Variants in EFHC2 observed in about 807,000 individuals in gnomAD.
The protein encoded by EFHC2 is EF-hand domain containing 2, also known as EF-hand domain-containing family member C2.
A neutral mutation model predicts 52.7 loss-of-function variants in EFHC2; 18 were observed. The observed-to-expected ratio is 0.34, with a 90% CI of 0.24 to 0.51. EFHC2 has a LOEUF of 0.51. EFHC2 is among the 20% of genes least tolerant of loss of function. EFHC2 has a pLI of 0.97. For missense variants in EFHC2, 513 were observed against 562.5 expected (o/e 0.91, Z 0.89); for synonymous variants, 203 against 204.1 (o/e 0.99, Z 0.04).
At chrX:44,292,256 G>C (rs186327311) in intron 2 of EFHC2, among the ~76,000 whole-genome samples, 1 of 109,908 alleles carries the variant, frequency 9.1e-6, no homozygotes, top group Non-Finnish European at 1.9e-5. Flanking sequence ...ATGTAGGTTC[G>C]GTACCCCATA....
At chrX:44,212,262 C>T (rs1336919892) in intron 11 of EFHC2, among the ~76,000 whole-genome samples, 1 of 111,547 alleles carries the variant, frequency 9.0e-6, no homozygotes, top group Non-Finnish European at 1.9e-5. Flanking sequence ...AAACTGTAGA[C>T]GGCCCAGTCA....
intron 14 of EFHC2, among the ~76,000 whole-genome samples, chrX:44,160,845 C>T (rs751082666): frequency 6.3e-5 from 7 of 110,758 alleles, no homozygotes; most frequent in Admixed American, 9.6e-5. Flanking sequence ...TCACTTGAAC[C>T]TGGGAGATGG....
intron 14 of EFHC2, among the ~76,000 whole-genome samples, chrX:44,156,708 C>T (rs904457445): frequency 9.8e-5 from 11 of 112,322 alleles, no homozygotes; most frequent in East Asian, 8.4e-4. Flanking sequence ...AAAGATAAGA[C>T]GCCAGTCACA....
intron 2 of EFHC2, among the ~76,000 whole-genome samples, chrX:44,282,159 C>T (rs1413183850): frequency 9.1e-6 from 1 of 110,013 alleles, no homozygotes; most frequent in Non-Finnish European, 1.9e-5. Flanking sequence ...AATAAGGGGA[C>T]CTGAAAAGTT....
chrX:44,332,522 A>G (rs191115583), intron 1 of EFHC2, among the ~76,000 whole-genome samples: 119 of 111,295 alleles, frequency 1.1e-3, no homozygotes, highest in African/African-American at 3.8e-3. Flanking sequence ...CACATCCCTC[A>G]ATACCCTTTG....
intron 11 of EFHC2, among the ~76,000 whole-genome samples, chrX:44,219,307 A>G (rs1392857218): frequency 9.0e-6 from 1 of 111,030 alleles, no homozygotes; most frequent in Non-Finnish European, 1.9e-5. Flanking sequence ...GGGTTGCACA[A>G]GCGTACATTT....
At chrX:44,204,745 A>C (rs1283496126) in intron 11 of EFHC2, among the ~76,000 whole-genome samples, 1 of 111,987 alleles carries the variant, frequency 8.9e-6, no homozygotes, top group East Asian at 2.8e-4. Context: ...AAAGTGACCC[A>C]ACCTATGACT....
At chrX:44,291,252 G>A (rs1320838136) in intron 2 of EFHC2, among the ~76,000 whole-genome samples, 1 of 110,999 alleles carries the variant, frequency 9.0e-6, no homozygotes, top group Non-Finnish European at 1.9e-5. Flanking sequence ...ATGTTCCTAT[G>A]GATACTGTGT....
chrX:44,341,966 A>G (rs1388436980), intron 1 of EFHC2, among the ~76,000 whole-genome samples: 1 of 112,620 alleles, frequency 8.9e-6, no homozygotes, highest in Non-Finnish European at 1.9e-5. Context: ...AGGCACTGGT[A>G]ATCAGAGTGT....
intron 8 of EFHC2, among the ~76,000 whole-genome samples, chrX:44,237,448 A>T (rs2037328474): frequency 8.9e-6 from 1 of 111,834 alleles, no homozygotes; most frequent in Non-Finnish European, 1.9e-5. Context: ...TGGTTGTTTT[A>T]AAAATGTGTT....
chrX:44,158,818 A>T (rs1437675586), intron 14 of EFHC2, among the ~76,000 whole-genome samples: 1 of 111,841 alleles, frequency 8.9e-6, no homozygotes, highest in East Asian at 2.8e-4. Flanking sequence ...TCACACTGCT[A>T]GGCTCTCAGT....
rs754713702 is a variant in EFHC2, at chrX:44,155,843, G to A, written c.2149-6947C>T. On this transcript the variant is annotated intron_variant, in intron 14 of 14. Coordinates refer to ENST00000420999, the MANE Select transcript of EFHC2 (RefSeq NM_025184.4). ...AAGCAAATCAAATTGAAATAAATTT[G>A]GGGAAGAGGATTTTGCGAATATTTC... is the stretch of plus-strand genomic sequence containing the variant. Among the ~76,000 whole-genome samples, 5 of 112,474 alleles carry A rather than the reference G, an allele frequency of 4.4e-5. No individual in the cohort carries two copies. The South Asian group carries it at 1.8e-3, about 41-fold the overall frequency.
chrX:44,269,737 T>C (rs956680512), intron 3 of EFHC2, among the ~76,000 whole-genome samples: 1 of 111,185 alleles, frequency 9.0e-6, no homozygotes, highest in African/African-American at 3.3e-5. Context: ...TAATCCTCTT[T>C]TCTTTATAAA....
At chrX:44,176,162 G>A (rs2036784830) in intron 13 of EFHC2, 130 bp downstream of exon 13, 2 of 492,071 alleles carry the variant, frequency 4.1e-6, no homozygotes, top group Non-Finnish European at 3.2e-6. Flanking sequence ...ATGGAGGCAG[G>A]TCACCAATAA....
intron 14 of EFHC2, among the ~76,000 whole-genome samples, chrX:44,154,254 G>A (rs1207702996): frequency 8.9e-6 from 1 of 112,942 alleles, no homozygotes; most frequent in Middle Eastern, 4.2e-3. Context: ...TGTCCCTGTG[G>A]CAAGCCACAA....
At chrX:44,175,715 A>G (rs2036780974) in intron 13 of EFHC2, among the ~76,000 whole-genome samples, 1 of 111,776 alleles carries the variant, frequency 8.9e-6, no homozygotes, top group South Asian at 3.8e-4. Flanking sequence ...TCAGAGGAGG[A>G]GCTAGAGTGA....
At chrX:44,208,543 T>C (rs1344381665) in intron 11 of EFHC2, among the ~76,000 whole-genome samples, 1 of 111,579 alleles carries the variant, frequency 9.0e-6, no homozygotes, top group Non-Finnish European at 1.9e-5. Flanking sequence ...GAGTACTATG[T>C]TCACTATTTG....
chrX:44,333,181 C>G (rs1203912331), intron 1 of EFHC2, among the ~76,000 whole-genome samples: 1 of 111,686 alleles, frequency 9.0e-6, no homozygotes, highest in East Asian at 2.8e-4. Flanking sequence ...CTGCCACGAT[C>G]ACACATAAAG....
intron 14 of EFHC2, among the ~76,000 whole-genome samples, chrX:44,159,485 T>C (rs1165545959): frequency 8.9e-6 from 1 of 112,529 alleles, no homozygotes; most frequent in Admixed American, 9.4e-5. Context: ...CTTTATGAAA[T>C]AATAACAAGC....
Sources: gnomAD v4.1 joint callset for allele counts (sites outside exome capture counted in the v4.1 genomes callset) on GRCh38, gnomAD v4.1.1 for gene constraint, MANE v1.5 for transcripts, NCBI Gene and HGNC (gene_info 2026-07-23, HGNC 2026-07-21) for gene names.